RGSL1: variants seen among roughly 807,000 people sequenced by gnomAD.
RGSL1 encodes the protein regulator of G protein signaling like 1.
In RGSL1, 97 loss-of-function variants were observed where a neutral mutation model predicts 124.7. The observed-to-expected ratio is 0.78, with a 90% CI of 0.66 to 0.92. The LOEUF is 0.92. Among genes scored for constraint, RGSL1 ranks in the 40% least tolerant of loss-of-function variants. The pLI, the probability that RGSL1 is intolerant of heterozygous loss-of-function variation, is 0.00. For synonymous variants in RGSL1, 424 were observed against 438.1 expected, an observed-to-expected ratio of 0.97 and a Z score of 0.40; for missense variants, 1,233 against 1,288.4, an observed-to-expected ratio of 0.96 and a Z score of 0.66.
rs983711579 is a variant in RGSL1, at chr1:182,551,281, G to A, written c.3043+72G>A. 7 of 1,276,418 alleles carry A rather than the reference G, an allele frequency of 5.5e-6. No individual in the cohort carries two copies. In the South Asian group the frequency reaches 6.4e-5, roughly 12 times the overall value. The allele number at this position is 1,276,418 out of a possible 1,614,324, so 79.1% of individuals were successfully genotyped here. A position where few individuals can be genotyped will look rare whatever the true frequency, so the allele number is the denominator to read the frequency against. On this transcript the variant is annotated intron_variant, in intron 18 of 21. Transcript: ENST00000294854. ...TTGTGAAGAGAAAGCAAGGGCCCAA[G>A]GGGCCAAATTCAAGACTTCCTTGAG...
chr1:182,523,945 T>A (rs1429791435), intron 10 of RGSL1, among the ~76,000 whole-genome samples: 1 of 152,124 alleles, frequency 6.6e-6, no homozygotes, highest in African/African-American at 2.4e-5. Flanking sequence ...GAATAACATA[T>A]GCAAATTCAA....
At chr1:182,478,083 C>T (rs1241790758) in intron 6 of RGSL1, among the ~76,000 whole-genome samples, 3 of 152,002 alleles carry the variant, frequency 2.0e-5, no homozygotes, top group African/African-American at 7.2e-5. Flanking sequence ...CTGTTTAACA[C>T]AATAATCCTT....
chr1:182,491,248 C>T (rs1655502588), intron 8 of RGSL1, among the ~76,000 whole-genome samples: 1 of 151,996 alleles, frequency 6.6e-6, no homozygotes, highest in Non-Finnish European at 1.5e-5. Context: ...TGGAGTCTCG[C>T]TTTGTCTCCC....
chr1:182,526,886 A>G (rs1658788505), intron 10 of RGSL1, among the ~76,000 whole-genome samples: 1 of 152,198 alleles, frequency 6.6e-6, no homozygotes, highest in Non-Finnish European at 1.5e-5. Context: ...CTAACATTAT[A>G]CTTAATGAAA....
intron 19 of RGSL1, among the ~76,000 whole-genome samples, chr1:182,553,921 A>G (rs1297946918): frequency 3.3e-5 from 5 of 152,068 alleles, no homozygotes; most frequent in African/African-American, 1.2e-4. Flanking sequence ...ACTGAGACCA[A>G]CTGCTGATTT....
chr1:182,527,604 A>T lies in RGSL1; in HGVS notation c.1957A>T (p.Thr653Ser). ...PRNLTEVLLN[T>S]QHLEFFREFL... is the part of the protein sequence containing the mutation. Reference sequence around the variant, plus strand: ...AAACTTGACAGAAGTCCTCTTAAATACACAGCACTTGGAGTTCTTCAGGGA... The same window carrying T: ...AAACTTGACAGAAGTCCTCTTAAATTCACAGCACTTGGAGTTCTTCAGGGA... Residue 653 changes from threonine (T) to serine (S), a missense_variant, in exon 11 of 22, where the codon ACA becomes TCA. Transcript: ENST00000294854. 6.4e-7 allele frequency: 1 copy of T among 1,550,640 alleles called. No individual in the cohort carries two copies. The highest frequency in any genetic ancestry group is 1.2e-5 in the South Asian group (1 of 83,758).
At chr1:182,554,067 GAGTC>G (rs1660721254) in intron 19 of RGSL1, among the ~76,000 whole-genome samples, 1 of 152,044 alleles carries the variant, frequency 6.6e-6, no homozygotes, top group South Asian at 2.1e-4. Flanking sequence ...CAGTCTCAAG[GAGTC>G]AACCCCACTC....
At chr1:182,492,945 T>A in intron 8 of RGSL1, 77 bp from the exon 9 acceptor site, 1 of 1,025,746 alleles carries the variant, frequency 9.7e-7, no homozygotes, top group Non-Finnish European at 1.5e-6. Flanking sequence ...AGGCAATACC[T>A]TCAACAAAAG....
intron 1 of RGSL1, among the ~76,000 whole-genome samples, chr1:182,452,914 A>C (rs1357723769): frequency 6.6e-6 from 1 of 152,228 alleles, no homozygotes; most frequent in African/African-American, 2.4e-5. Context: ...AGCTTAGGGC[A>C]TAGTATTCGG....
chr1:182,529,771 A>T (rs1226433560), intron 11 of RGSL1, among the ~76,000 whole-genome samples: 1 of 152,192 alleles, frequency 6.6e-6, no homozygotes, highest in Non-Finnish European at 1.5e-5. Flanking sequence ...TAGAAGAGGA[A>T]GAGTGTCCAG....
At chr1:182,483,508 A>G (rs531059943) in intron 6 of RGSL1, among the ~76,000 whole-genome samples, 4 of 152,302 alleles carry the variant, frequency 2.6e-5, no homozygotes, top group Admixed American at 2.6e-4. Context: ...CTCATAATGT[A>G]TATGAATACG....
chr1:182,455,195 T>A (rs946194654), intron 2 of RGSL1, among the ~76,000 whole-genome samples: 1 of 151,908 alleles, frequency 6.6e-6, no homozygotes, highest in Non-Finnish European at 1.5e-5. Context: ...CCTGGAAAAG[T>A]CAGGAAAAGC....
At chr1:182,551,737 C>CAT (rs77094040) in intron 18 of RGSL1, among the ~76,000 whole-genome samples, 31 of 151,570 alleles carry the variant, frequency 2.0e-4, no homozygotes, top group East Asian at 7.8e-4. Context: ...AATATGCATA[C>CAT]ATATATATAT....
chr1:182,487,629 C>T (rs1358784133), intron 6 of RGSL1, among the ~76,000 whole-genome samples: 2 of 152,176 alleles, frequency 1.3e-5, no homozygotes, highest in Non-Finnish European at 2.9e-5. Context: ...TTGTTAATAC[C>T]TCTGTTAGAG....
intron 14 of RGSL1, among the ~76,000 whole-genome samples, chr1:182,537,249 C>T: frequency 6.6e-6 from 1 of 151,924 alleles, no homozygotes; most frequent in East Asian, 1.9e-4. Flanking sequence ...CAGGGAGGGG[C>T]ACAATACAAA....
At chr1:182,503,972 T>TTG (rs1656598129) in intron 9 of RGSL1, among the ~76,000 whole-genome samples, 1 of 27,472 alleles carries the variant, frequency 3.6e-5, no homozygotes, top group Non-Finnish European at 1.1e-4. Flanking sequence ...CTTTTGTAAT[T>TTG]TCTTTTTTTT....
chr1:182,473,805 C>G lies in RGSL1; in HGVS notation c.694C>G (p.Leu232Val), dbSNP rs2102039468. 6.4e-7 allele frequency: 1 copy of G among 1,551,730 alleles called. No homozygotes were observed. The highest frequency in any genetic ancestry group is 8.7e-7 in the Non-Finnish European group (1 of 1,147,004). Residue 232 changes from leucine (L) to valine (V), a missense_variant, in exon 6 of 22, where the codon CTG (leucine) becomes GTG (valine). By Grantham distance (32) the Leu-to-Val change is conservative. Transcript: ENST00000294854. ...CTACACCCACATAGGAGGGCTCCCT[C>G]TGAACATGAGCATCAAGAAGTGCCA... ...VCYTHIGGLPLNMSIKKCHHF... is the reference protein window; with the variant it reads ...VCYTHIGGLPVNMSIKKCHHF...
chr1:182,550,106 T>C (rs1660465890), intron 17 of RGSL1: 1 of 152,220 alleles, frequency 6.6e-6, no homozygotes, highest in South Asian at 2.1e-4. Context: ...TGTGTTTACA[T>C]ATATTATCTT....
In RGSL1 at chr1:182,502,557, C is replaced by G. The variant is rs1231265269; in HGVS notation, c.1825+9428C>G. Among the ~76,000 whole-genome samples, 3 of 152,174 alleles carry G rather than the reference C, an allele frequency of 2.0e-5. No homozygotes were observed. The East Asian group carries it at 5.8e-4, about 29-fold the overall frequency. The stretch of plus-strand genomic sequence containing the variant: ...TGCCACAGTACTCCAGCCTGGACAA[C>G]AGAGTTAGACCCCATCTCTAAAAAA... On this transcript the variant is annotated intron_variant, in intron 9 of 21. Coordinates refer to ENST00000294854, the MANE Select transcript of RGSL1 (RefSeq NM_001137669.2).
Sources: gnomAD v4.1 joint callset for allele counts (sites outside exome capture counted in the v4.1 genomes callset) on GRCh38, gnomAD v4.1.1 for gene constraint, MANE v1.5 for transcripts, NCBI Gene and HGNC (gene_info 2026-07-23, HGNC 2026-07-21) for gene names.